Variants in LAD1 observed in about 807,000 individuals in gnomAD.
LAD1 encodes the protein ladinin-1.
In LAD1, 53 loss-of-function variants were observed where a neutral mutation model predicts 54.2. The ratio of observed to expected loss-of-function variants is 0.98; its 90% CI spans 0.78 to 1.23. LAD1 has a LOEUF of 1.23. Ranked by LOEUF, LAD1 falls within the 50% of genes most tolerant of loss-of-function variation. The pLI, the probability that LAD1 is intolerant of heterozygous loss-of-function variation, is 0.00. For synonymous variants in LAD1, 231 were observed against 257.7 expected, an observed-to-expected ratio of 0.90 and a Z score of 0.99; for missense variants, 637 against 653.3, an observed-to-expected ratio of 0.98 and a Z score of 0.27.
intron 4 of LAD1, 26 bp from the exon 5 acceptor site, chr1:201,384,861 T>C (rs1157165873): frequency 6.2e-7 from 1 of 1,612,840 alleles, no homozygotes; most frequent in African/African-American, 1.3e-5. Context: ...AAGGCATTGT[T>C]GTGTGGGAGT....
intron 8 of LAD1, 32 bp downstream of exon 8, chr1:201,382,621 A>T (rs1183684929): frequency 6.5e-7 from 1 of 1,530,604 alleles, no homozygotes; most frequent in African/African-American, 1.4e-5. Context: ...CAAAGGCTCC[A>T]CAGTAAGAGA....
chr1:201,390,758 C>T (rs983800751), intron 1 of LAD1, among the ~76,000 whole-genome samples: 14 of 152,090 alleles, frequency 9.2e-5, no homozygotes, highest in African/African-American at 1.4e-4. Context: ...ATGGGACAAC[C>T]AAAATGTTTC....
intron 1 of LAD1, among the ~76,000 whole-genome samples, chr1:201,396,238 C>T (rs1662286884): frequency 6.6e-6 from 1 of 152,176 alleles, no homozygotes; most frequent in South Asian, 2.1e-4. Flanking sequence ...TTTCCCCCAC[C>T]TCCTGGCCTT....
Position 201,387,172 on chromosome 1 carries a change from C to T in LAD1, c.189G>A (p.Pro63=), listed in dbSNP as rs747024773. The T allele has an allele frequency of 4.0e-6, 6 of 1,505,580 alleles. No individual in the cohort carries two copies. Among genetic ancestry groups the T allele is most frequent in the East Asian group, 4.6e-5 (2 of 43,448 alleles). The allele number at this position is 1,505,580 out of a possible 1,614,324, so 93.3% of individuals were successfully genotyped here. A position where few individuals can be genotyped will look rare whatever the true frequency, so the allele number is the denominator to read the frequency against. ...TGGGCACCTCTGCTTCTTCCACGCT[C>T]GGTAGTCTGAATCAGAAGATGGGAG... ...DRQASASERL[P]SVEEAEVPKP... The change falls in exon 3 of 10, where the codon CCG becomes CCA. Residue 63 remains proline, a synonymous_variant. Coordinates refer to ENST00000391967, the MANE Select transcript of LAD1 (RefSeq NM_005558.4).
intron 5 of LAD1, among the ~76,000 whole-genome samples, chr1:201,384,502 C>A (rs1662033749): frequency 6.6e-6 from 1 of 152,118 alleles, no homozygotes; most frequent in Admixed American, 6.5e-5. Flanking sequence ...GCCCCCTTTC[C>A]CTGTCCTAAC....
intron 1 of LAD1, among the ~76,000 whole-genome samples, chr1:201,397,953 C>T (rs1388315832): frequency 6.6e-6 from 1 of 152,230 alleles, no homozygotes; most frequent in Non-Finnish European, 1.5e-5. Context: ...GCACCCTCAG[C>T]ATAGACCTTC....
At chr1:201,382,016 G>A in intron 9 of LAD1, 123 bp from the exon 10 acceptor site, 2 of 1,068,822 alleles carry the variant, frequency 1.9e-6, no homozygotes, top group East Asian at 2.4e-5. Context: ...TCAGAGCCCT[G>A]TAATCTGCCA....
rs576231378 is a variant in LAD1, at chr1:201,385,865, C to T, written c.1027-60G>A. The T allele has an allele frequency of 2.3e-5, 28 of 1,224,274 alleles. No homozygotes were observed. The African/African-American group carries it at 3.7e-4, about 16-fold the overall frequency. 75.8% of individuals were successfully genotyped at this position (1,224,274 alleles called of 1,614,324 possible). A position where few individuals can be genotyped will look rare whatever the true frequency, so the allele number is the denominator to read the frequency against. The stretch of plus-strand genomic sequence containing the variant: ...CTAGGGCCCATCAAGCCGGGGCAGC[C>T]ATAAACCCCATGGCTCACCCCAGGA... On this transcript the variant is annotated intron_variant, in intron 3 of 9. Coordinates refer to ENST00000391967, the MANE Select transcript of LAD1 (RefSeq NM_005558.4).
Position 201,384,802 on chromosome 1 carries a change from G to A in LAD1, c.1165C>T (p.Leu389=), listed in dbSNP as rs201525576. Residue 389 remains leucine, a synonymous_variant, in exon 5 of 10, where the codon CTA becomes TTA. Transcript: ENST00000391967. The part of the protein sequence containing the change: ...KPKKENSETT[L]TRSASMKLPD... ...CTCCAGGCCCCCCACCTGCGAGTTA[G>A]GGTTGTTTCCGAGTTTTCTTTCTTG... 1.2e-6 allele frequency: 2 copies of A among 1,614,110 alleles called. No homozygotes were observed. Among genetic ancestry groups the A allele is most frequent in the Admixed American group, 3.3e-5 (2 of 60,024 alleles).
rs764847958 is a variant in LAD1, at chr1:201,386,421, G to T, written c.940C>A (p.Pro314Thr). The T allele has an allele frequency of 2.0e-6, 3 of 1,528,910 alleles. No individual in the cohort carries two copies. Among genetic ancestry groups the T allele is most frequent in the Non-Finnish European group, 1.7e-6 (2 of 1,143,320 alleles). 94.7% of individuals were successfully genotyped at this position (1,528,910 alleles called of 1,614,324 possible). A position where few individuals can be genotyped will look rare whatever the true frequency, so the allele number is the denominator to read the frequency against. The change falls in exon 3 of 10, where the codon CCT (proline) becomes ACT (threonine). Residue 314 changes from proline (P) to threonine (T), a missense_variant. Pro to Thr is a conservative substitution (Grantham distance 38). Transcript: ENST00000391967. ...TTKEQRGRAL[P>T]GKNLPSLAKQ... ...GCCAAAGAGGGCAGGTTCTTCCCAG[G>T]GAGGGCCCTTCCTCTCTGCTCCTTG...
In LAD1 at chr1:201,382,232, G is replaced by A; in HGVS notation, c.1548+20C>T. ...ACCGTGGCCCTCCGCCGTAGGGCCA[G>A]GCTCCTCCCCACCATTCACCTCAGC... is the stretch of plus-strand genomic sequence containing the variant. On this transcript the variant is annotated intron_variant, in intron 9 of 9. Transcript: ENST00000391967. The A allele has an allele frequency of 6.2e-7, 1 of 1,605,694 alleles. No homozygotes were observed. Among genetic ancestry groups the A allele is most frequent in the Non-Finnish European group, 8.5e-7 (1 of 1,173,054 alleles).
chr1:201,383,698 G>A (rs1291303302), intron 5 of LAD1: 5 of 404,470 alleles, frequency 1.2e-5, no homozygotes, highest in East Asian at 5.8e-5. Flanking sequence ...CACAGCAATC[G>A]CCACTTACCT....
chr1:201,381,790 G>T lies in LAD1; in HGVS notation c.*98C>A. 1 of 1,323,462 alleles carries T rather than the reference G, an allele frequency of 7.6e-7. No individual in the cohort carries two copies. Among genetic ancestry groups the T allele is most frequent in the Non-Finnish European group, 1.1e-6 (1 of 914,994 alleles). The allele number at this position is 1,323,462 out of a possible 1,614,324, so 82.0% of individuals were successfully genotyped here. A position where few individuals can be genotyped will look rare whatever the true frequency, so the allele number is the denominator to read the frequency against. Reference sequence around the variant, plus strand: ...GATCCACAGGCAAAAAGGGAACAGGGACAATGAGAGGAAAGGGTGCTGCTG... The same window carrying T: ...GATCCACAGGCAAAAAGGGAACAGGTACAATGAGAGGAAAGGGTGCTGCTG... On this transcript the variant is annotated 3_prime_UTR_variant, in exon 10 of 10. Coordinates refer to ENST00000391967, the MANE Select transcript of LAD1 (RefSeq NM_005558.4).
At position 201,386,518 on chromosome 1, in the gene LAD1, T is replaced by C. The variant is rs559552399; in HGVS notation, c.843A>G (p.Pro281=). The C allele has an allele frequency of 6.4e-5, 102 of 1,596,828 alleles. No homozygotes were observed. The South Asian group carries it at 1.1e-3, about 18-fold the overall frequency. The change falls in exon 3 of 10, where the codon CCA becomes CCG. Residue 281 remains proline, a synonymous_variant. Transcript: ENST00000391967. ...KSPTADAKPA[P]KRATASEQPL... ...GCTGCTCTGAGGCTGTGGCCCTCTT[T>C]GGGGCCGGCTTAGCATCTGCAGTTG...
rs1182863391 is a variant in LAD1, at chr1:201,381,752, C to A, written c.*136G>T. 2 of 984,284 alleles carry A rather than the reference C, an allele frequency of 2.0e-6. No individual in the cohort carries two copies. The highest frequency in any genetic ancestry group is 1.8e-5 in the Admixed American group (1 of 55,882). The allele number at this position is 984,284 out of a possible 1,614,324, so 61.0% of individuals were successfully genotyped here. A position where few individuals can be genotyped will look rare whatever the true frequency, so the allele number is the denominator to read the frequency against. On this transcript the variant is annotated 3_prime_UTR_variant, in exon 10 of 10. Coordinates refer to ENST00000391967, the MANE Select transcript of LAD1 (RefSeq NM_005558.4). Reference sequence around the variant, plus strand: ...TTGCAAATATTCCTGACCCCAGGGACCCTGGCCAAACAGATCCACAGGCAA... The same window carrying A: ...TTGCAAATATTCCTGACCCCAGGGAACCTGGCCAAACAGATCCACAGGCAA...
At chr1:201,382,178 C>T (rs1470277101) in intron 9 of LAD1, 74 bp downstream of exon 9, 22 of 1,266,696 alleles carry the variant, frequency 1.7e-5, no homozygotes, top group Non-Finnish European at 2.3e-5. Flanking sequence ...AGTGTGTGCA[C>T]ACGGGGACGA....
At chr1:201,383,295 C>T in intron 6 of LAD1, 22 bp downstream of exon 6, 1 of 1,614,072 alleles carries the variant, frequency 6.2e-7, no homozygotes, top group South Asian at 1.1e-5. Flanking sequence ...CCCTCCGCCC[C>T]TCAGGAGAAG....
chr1:201,392,226 C>G (rs1030925354), intron 1 of LAD1, among the ~76,000 whole-genome samples: 1 of 152,240 alleles, frequency 6.6e-6, no homozygotes, highest in African/African-American at 2.4e-5. Flanking sequence ...GTCCAGCATC[C>G]CCTGGATTGA....
chr1:201,385,992 C>A (rs963185324), intron 3 of LAD1, among the ~76,000 whole-genome samples, 187 bp from the exon 4 acceptor site: 1 of 152,128 alleles, frequency 6.6e-6, no homozygotes, highest in Non-Finnish European at 1.5e-5. Flanking sequence ...GGGGCCAGGG[C>A]ACCAGGCAGA....
Sources: allele counts gnomAD v4.1 joint callset (sites outside exome capture counted in the v4.1 genomes callset), GRCh38; gene constraint gnomAD v4.1.1; transcripts MANE v1.5; gene names NCBI Gene and HGNC (gene_info 2026-07-23, HGNC 2026-07-21).